MBP: variants seen among roughly 807,000 people sequenced by gnomAD.
MBP encodes the protein myelin basic protein, also known as Golli-MBP.
MBP carries 16 observed loss-of-function variants against 35.8 expected under a neutral mutation model. That is an observed-to-expected ratio of 0.45 (90% CI 0.30 to 0.68). The LOEUF (loss-of-function observed/expected upper bound fraction) is 0.68. Ranked by LOEUF, MBP falls within the 30% of genes least tolerant of loss-of-function variation. The probability of loss-of-function intolerance (pLI) is 0.08; values close to 1 mark genes in which losing one functional copy is unlikely to be tolerated. For synonymous variants in MBP, 143 were observed against 159.6 expected, an observed-to-expected ratio of 0.90 and a Z score of 0.78; for missense variants, 380 against 404.7, an observed-to-expected ratio of 0.94 and a Z score of 0.52.
At chr18:77,117,351 G>C (rs549505945) in intron 1 of MBP, among the ~76,000 whole-genome samples, 1 of 152,118 alleles carries the variant, frequency 6.6e-6, no homozygotes, top group Admixed American at 6.5e-5. Context: ...TGAACTTTTC[G>C]AGTGTTTTCT....
rs1442182898 is a variant in MBP at position 76,984,873 on chromosome 18, C to T, written c.772G>A (p.Gly258Arg). ...FSWGAEGQRP[G>R]FGYGGRASDY... Reference sequence around the variant, plus strand: ...GACGCTCTGCCTCCGTAGCCAAATCCTGGTCTCTGGCCTTCGGCCCCCTGC... The same window carrying T: ...GACGCTCTGCCTCCGTAGCCAAATCTTGGTCTCTGGCCTTCGGCCCCCTGC... The change falls in exon 8 of 9, where the codon GGA becomes AGA. Residue 258 changes from glycine to arginine, a missense_variant. By Grantham distance (125) the Gly-to-Arg change is moderately radical. Transcript: ENST00000355994. 1 of 1,613,592 alleles carries T rather than the reference C, an allele frequency of 6.2e-7. No homozygotes were observed.
At position 77,081,077 on chromosome 18, in the gene MBP, T is replaced by C. The variant is rs779863209; in HGVS notation, c.52-14692A>G. Among the ~76,000 whole-genome samples the C allele has an allele frequency of 5.3e-4, 80 of 152,120 alleles. 1 individual carries two copies. The highest frequency in any genetic ancestry group is 1.5e-3 in the Admixed American group (23 of 15,272). On this transcript the variant is annotated intron_variant, in intron 2 of 8. Transcript: ENST00000355994. ...TAAAACTCAACTTTTAAAACAATAA[T>C]TTGAAAGAAGGGACAACACTCAGGA...
At chr18:77,086,346 C>T (rs1351923670) in intron 2 of MBP, among the ~76,000 whole-genome samples, 1 of 152,238 alleles carries the variant, frequency 6.6e-6, no homozygotes, top group Admixed American at 6.5e-5. Flanking sequence ...TAGATGCCAA[C>T]CATCACGATC....
intron 3 of MBP, among the ~76,000 whole-genome samples, chr18:77,026,953 T>C (rs1012106078): frequency 3.3e-5 from 5 of 152,106 alleles, no homozygotes; most frequent in African/African-American, 1.2e-4. Flanking sequence ...GCAATGAAAA[T>C]TACCATCCCT....
Position 77,054,342 on chromosome 18 carries a change from G to A in MBP, c.139+11956C>T, listed in dbSNP as rs376883453. 3.9e-4 allele frequency among the ~76,000 whole-genome samples: 59 copies of A among 152,354 alleles called. No individual in the cohort carries two copies. The South Asian group carries it at 0.011, about 28-fold the overall frequency. ...GACATGGAGCGAAGAGCTCACCCCCGGATATCTGGGCAAGAGACTTAAGGA... is the reference window on the plus strand; with the variant it reads ...GACATGGAGCGAAGAGCTCACCCCCAGATATCTGGGCAAGAGACTTAAGGA... On this transcript the variant is annotated intron_variant, in intron 3 of 8. Coordinates refer to ENST00000355994, the MANE Select transcript of MBP (RefSeq NM_001025101.2).
At chr18:77,123,679 G>A (rs928037668) in intron 1 of MBP, among the ~76,000 whole-genome samples, 4 of 152,230 alleles carry the variant, frequency 2.6e-5, no homozygotes, top group African/African-American at 9.6e-5. Context: ...ATGTGTGCAG[G>A]TGGCTGCAGA....
chr18:77,060,025 G>A (rs1208432662), intron 3 of MBP, among the ~76,000 whole-genome samples: 2 of 152,184 alleles, frequency 1.3e-5, no homozygotes, highest in Non-Finnish European at 2.9e-5. Flanking sequence ...AGCAAATTAT[G>A]GGCTGGGCGT....
intron 3 of MBP, among the ~76,000 whole-genome samples, chr18:77,038,956 C>T (rs1972879312): frequency 6.6e-6 from 1 of 152,124 alleles, no homozygotes; most frequent in African/African-American, 2.4e-5. Flanking sequence ...GCCTCGGGGC[C>T]AAATCTGGCC....
intron 3 of MBP, among the ~76,000 whole-genome samples, chr18:77,035,421 T>C (rs1972722142): frequency 6.6e-6 from 1 of 152,240 alleles, no homozygotes; most frequent in Non-Finnish European, 1.5e-5. Context: ...TACCAATCTA[T>C]CCTGTTTTTC....
At chr18:77,105,076 G>T in intron 2 of MBP, 135 bp downstream of exon 2, 1 of 489,934 alleles carries the variant, frequency 2.0e-6, no homozygotes. Flanking sequence ...TAATTAACAA[G>T]GACCAGGCTT....
chr18:77,107,688 T>C (rs1450837034), intron 1 of MBP, among the ~76,000 whole-genome samples: 2 of 152,246 alleles, frequency 1.3e-5, no homozygotes, highest in African/African-American at 4.8e-5. Context: ...GTTGTCATGC[T>C]TCATAGCACA....
Position 77,016,371 on chromosome 18 carries a change from T to C in MBP, c.576+461A>G, listed in dbSNP as rs145777013. 3.0e-4 allele frequency: 300 copies of C among 992,864 alleles called. No homozygotes were observed. In the Middle Eastern group the frequency reaches 7.2e-3, roughly 24 times the overall value. The allele number at this position is 992,864 out of a possible 1,614,324, so 61.5% of individuals were successfully genotyped here. A position where few individuals can be genotyped will look rare whatever the true frequency, so the allele number is the denominator to read the frequency against. ...GTTCAAAAGTCTTCCTCGACCTCAA[T>C]CCTATGATTGTCGCAGAGCAACATG... On this transcript the variant is annotated intron_variant, in intron 4 of 8. Coordinates refer to ENST00000355994, the MANE Select transcript of MBP (RefSeq NM_001025101.2).
intron 3 of MBP, among the ~76,000 whole-genome samples, chr18:77,030,327 G>C (rs374004617): frequency 2.0e-5 from 3 of 152,320 alleles, no homozygotes; most frequent in East Asian, 3.9e-4. Context: ...TATTCACGTA[G>C]GGACTCTGTG....
chr18:77,133,326 G>A (rs909443617), upstream of MBP, among the ~76,000 whole-genome samples: 2 of 152,080 alleles, frequency 1.3e-5, no homozygotes, highest in Non-Finnish European at 2.9e-5. Flanking sequence ...TCCTCTGGGA[G>A]CTGGGAGCTG....
At chr18:77,062,943 T>C (rs1271023204) in intron 3 of MBP, among the ~76,000 whole-genome samples, 7 of 152,170 alleles carry the variant, frequency 4.6e-5, no homozygotes, top group Non-Finnish European at 1.0e-4. Flanking sequence ...TCCTCGCTCA[T>C]TCTTCTGATG....
intron 2 of MBP, 24 bp from the exon 3 acceptor site, chr18:77,066,409 C>A (rs1039377240): frequency 8.6e-6 from 12 of 1,400,946 alleles, no homozygotes; most frequent in East Asian, 2.3e-5. Context: ...ACACAACAAA[C>A]CCTTTTCTTA....
At chr18:77,080,027 G>C (rs932805520) in intron 2 of MBP, among the ~76,000 whole-genome samples, 27 of 152,158 alleles carry the variant, frequency 1.8e-4, no homozygotes, top group African/African-American at 6.5e-4. Context: ...ACCTAAATCT[G>C]GTGATAAACT....
chr18:76,998,968 T>TG (rs983153770), intron 4 of MBP, among the ~76,000 whole-genome samples: 2 of 146,812 alleles, frequency 1.4e-5, no homozygotes, highest in East Asian at 2.0e-4. Context: ...AGCAGTGTTT[T>TG]GGGGGGTTTA....
At chr18:77,013,917 A>G (rs117862091) in intron 4 of MBP, 3 of 985,412 alleles carry the variant, frequency 3.0e-6, no homozygotes, top group Middle Eastern at 5.2e-4. Context: ...GTGACACTCA[A>G]GTGGCCTCAG....
Sources: gnomAD v4.1 joint callset for allele counts (sites outside exome capture counted in the v4.1 genomes callset) on GRCh38, gnomAD v4.1.1 for gene constraint, MANE v1.5 for transcripts, NCBI Gene and HGNC (gene_info 2026-07-23, HGNC 2026-07-21) for gene names.